The following VPS13D variants were observed in gnomAD, a reference collection of about 807,000 sequenced individuals.
VPS13D encodes vacuolar protein sorting 13 homolog D.
VPS13D carries 187 observed loss-of-function variants against 461.9 expected under a neutral mutation model. That is an observed-to-expected ratio of 0.40 (90% CI 0.36 to 0.46). VPS13D has a LOEUF of 0.46. Among genes scored for constraint, VPS13D ranks in the 20% least tolerant of loss-of-function variants. The pLI is 0.60. For missense variants in VPS13D, 4,711 were observed against 5,364.9 expected (o/e 0.88, Z 3.81); for synonymous variants, 1,951 against 1,986.3 (o/e 0.98, Z 0.47).
chr1:12,355,791 A>T, intron 47 of VPS13D, 108 bp from the exon 48 acceptor site: 1 of 1,157,660 alleles, frequency 8.6e-7, no homozygotes. Context: ...TTTTGCAGTT[A>T]GATACTTAGT....
chr1:12,478,287 G>A (rs1030941519), intron 67 of VPS13D, among the ~76,000 whole-genome samples: 5 of 152,272 alleles, frequency 3.3e-5, no homozygotes, highest in African/African-American at 9.6e-5. Flanking sequence ...GGCCCAGGCC[G>A]AGGAATGCGG....
intron 65 of VPS13D, among the ~76,000 whole-genome samples, chr1:12,448,109 C>G (rs1488067572): frequency 6.6e-6 from 1 of 152,054 alleles, no homozygotes; most frequent in African/African-American, 2.4e-5. Flanking sequence ...TGGTGTTCTC[C>G]CTGTTTTGTA....
At chr1:12,323,213 A>G (rs1643085294) in intron 34 of VPS13D, among the ~76,000 whole-genome samples, 1 of 151,930 alleles carries the variant, frequency 6.6e-6, no homozygotes, top group South Asian at 2.1e-4. Flanking sequence ...GGGAGGGACT[A>G]TAGGTGTGTG....
chr1:12,437,552 GA>G (rs981200753), intron 65 of VPS13D, among the ~76,000 whole-genome samples: 4 of 152,148 alleles, frequency 2.6e-5, no homozygotes, highest in African/African-American at 9.7e-5. Flanking sequence ...ATTTGAGAGG[GA>G]AGAGCACATT....
Position 12,416,801 on chromosome 1 carries a change from C to T in VPS13D, c.12307C>T (p.His4103Tyr). Residue 4103 changes from histidine to tyrosine, a missense_variant, in exon 65 of 70, where the codon CAC (histidine) becomes TAC (tyrosine). His to Tyr is a moderately conservative substitution (Grantham distance 83, BLOSUM62 2). This residue lies in a region of VPS13D where 106 missense variants were observed against 206.2 expected (regional missense o/e 0.51). Transcript: ENST00000620676. ...CGGGGGCCTCATCAGAAATGTTACA[C>T]ACGGAGTATCAAACTCTGCTGCCAA... ...NVGGLIRNVT[H>Y]GVSNSAAKFA... The T allele has an allele frequency of 2.5e-6, 4 of 1,612,786 alleles. No homozygotes were observed. The highest frequency in any genetic ancestry group is 3.4e-6 in the Non-Finnish European group (4 of 1,179,640).
In VPS13D at chr1:12,509,200, G is replaced by C. The variant is rs1356112094; in HGVS notation, c.*176G>C. On this transcript the variant is annotated 3_prime_UTR_variant, in exon 70 of 70. Coordinates refer to ENST00000620676, the MANE Select transcript of VPS13D (RefSeq NM_015378.4). ...GTACAAATGGAAATCGTATTAATTT[G>C]TGAGGCAGGGAGTTATTTTAGATTA... is the stretch of plus-strand genomic sequence containing the variant. The C allele has an allele frequency of 1.4e-6, 1 of 731,058 alleles. No homozygotes were observed. The highest frequency in any genetic ancestry group is 2.1e-6 in the Non-Finnish European group (1 of 478,408). The allele number at this position is 731,058 out of a possible 1,614,324, so 45.3% of individuals were successfully genotyped here.
At chr1:12,468,748 A>G (rs1645524873) in intron 67 of VPS13D, among the ~76,000 whole-genome samples, 1 of 152,222 alleles carries the variant, frequency 6.6e-6, no homozygotes, top group African/African-American at 2.4e-5. Flanking sequence ...ATACTCTAAA[A>G]GAGGCTGGGC....
Position 12,505,838 on chromosome 1 carries a change from A to G in VPS13D, c.12795-1015A>G, listed in dbSNP as rs1646098266. On this transcript the variant is annotated intron_variant, in intron 68 of 69. Transcript: ENST00000620676. This position sits in a 1 kb window ranked among gnomAD's most constrained non-coding sequence, Gnocchi z 4.2. ...AGGTGTGCGTCCTGCACGGACCCCA[A>G]GTGAGCGAGGGCCCGGCAGCCTGCT... 1.3e-5 allele frequency among the ~76,000 whole-genome samples: 2 copies of G among 152,174 alleles called. No individual in the cohort carries two copies. Among genetic ancestry groups the G allele is most frequent in the Admixed American group, 1.3e-4 (2 of 15,284 alleles).
intron 5 of VPS13D, among the ~76,000 whole-genome samples, chr1:12,246,232 C>T (rs530696980): frequency 6.6e-6 from 1 of 152,270 alleles, no homozygotes; most frequent in Admixed American, 6.5e-5. Flanking sequence ...ATTCTATCCT[C>T]CCTCAGACTG....
At chr1:12,294,986 G>A (rs1426570449) in intron 24 of VPS13D, among the ~76,000 whole-genome samples, 2 of 151,656 alleles carry the variant, frequency 1.3e-5, no homozygotes, top group Non-Finnish European at 2.9e-5. Flanking sequence ...ACTTTGGGGG[G>A]CGAGGCGGGC....
rs368253470 is a variant in VPS13D at position 12,276,208 on chromosome 1, G to A, written c.2620G>A (p.Val874Met). The stretch of plus-strand genomic sequence containing the variant: ...TTCAGATCCCAAATATCCAGGAGCC[G>A]TGCTCTCAGGCAACTTACCAGACTT... ...YTSDPKYPGAVLSGNLPDLKI... is the reference protein window; with the variant it reads ...YTSDPKYPGAMLSGNLPDLKI... Residue 874 changes from valine (V) to methionine (M), a missense_variant, in exon 19 of 70, where the codon GTG (valine) becomes ATG (methionine). By Grantham distance (21) the Val-to-Met change is conservative (BLOSUM62 1). This residue lies in a region of VPS13D where 4,411 missense variants were observed against 4,937.8 expected (regional missense o/e 0.89). Transcript: ENST00000620676. The surrounding 1 kb of genome is among the most constrained non-coding windows in gnomAD (Gnocchi z 4.5). 19 of 1,613,924 alleles carry A rather than the reference G, an allele frequency of 1.2e-5. No individual in the cohort carries two copies. The highest frequency in any genetic ancestry group is 5.0e-5 in the Admixed American group (3 of 59,980).
intron 65 of VPS13D, among the ~76,000 whole-genome samples, chr1:12,438,928 C>A (rs1242795580): frequency 6.6e-6 from 1 of 152,154 alleles, no homozygotes; most frequent in African/African-American, 2.4e-5. Flanking sequence ...TTCGGTCATG[C>A]CGCATGTCCA....
rs778695713 is a variant in VPS13D, at chr1:12,283,687, C to T, written c.5585C>T (p.Ser1862Phe). The change falls in exon 21 of 70, where the codon TCC (serine) becomes TTC (phenylalanine). Residue 1862 changes from serine to phenylalanine, a missense_variant. Ser to Phe is a radical substitution (Grantham distance 155). This residue lies in a region of VPS13D where 4,411 missense variants were observed against 4,937.8 expected (regional missense o/e 0.89). Transcript: ENST00000620676. ...AACGTGAAGTTGGAGCCACATGCCT[C>T]CATGGAGTCTGGACTTCAGGATCCA... ...LHNVKLEPHASMESGLQDPVN... is the reference protein window; with the variant it reads ...LHNVKLEPHAFMESGLQDPVN... 6.2e-7 allele frequency: 1 copy of T among 1,614,138 alleles called. No individual in the cohort carries two copies. The highest frequency in any genetic ancestry group is 1.7e-5 in the Admixed American group (1 of 60,022).
chr1:12,422,784 C>T (rs1644879346), intron 65 of VPS13D, among the ~76,000 whole-genome samples: 1 of 151,170 alleles, frequency 6.6e-6, no homozygotes, highest in Admixed American at 6.6e-5. Flanking sequence ...GTTAAGTCTT[C>T]AAGGTCACAC....
chr1:12,450,110 G>A (rs778555666), intron 65 of VPS13D, among the ~76,000 whole-genome samples: 3 of 152,114 alleles, frequency 2.0e-5, no homozygotes, highest in Non-Finnish European at 2.9e-5. Flanking sequence ...GTAACAGACT[G>A]AGACTCAGCC....
intron 65 of VPS13D, among the ~76,000 whole-genome samples, chr1:12,436,120 A>T (rs185430988): frequency 6.6e-6 from 1 of 152,364 alleles, no homozygotes; most frequent in African/African-American, 2.4e-5. Context: ...CATAAACAAA[A>T]CAAAGCCCTC....
At chr1:12,401,477 A>C in intron 61 of VPS13D, 131 bp from the exon 62 acceptor site, 1 of 580,076 alleles carries the variant, frequency 1.7e-6, no homozygotes, top group Non-Finnish European at 3.0e-6. Flanking sequence ...TAACCCAGAA[A>C]TAATTTGGCA....
intron 21 of VPS13D, among the ~76,000 whole-genome samples, chr1:12,286,939 C>G (rs569755824): frequency 1.5e-4 from 23 of 152,364 alleles, no homozygotes; most frequent in African/African-American, 5.5e-4. Flanking sequence ...TGGCCCACTG[C>G]AACCTCTACC....
At chr1:12,230,796 C>G (rs930955996) in intron 1 of VPS13D, among the ~76,000 whole-genome samples, 16 of 152,168 alleles carry the variant, frequency 1.1e-4, no homozygotes, top group South Asian at 4.2e-4. Flanking sequence ...CAGGGTCACG[C>G]CCTGGCCCAG....
Sources: allele counts gnomAD v4.1 joint callset (sites outside exome capture counted in the v4.1 genomes callset), GRCh38; gene constraint gnomAD v4.1.1; regional missense constraint gnomAD v4.1.1; non-coding constraint Gnocchi (gnomAD v3.1); transcripts MANE v1.5; gene names NCBI Gene and HGNC (gene_info 2026-07-23, HGNC 2026-07-21).